Variants in LRP1B observed in about 807,000 individuals in gnomAD.
The protein encoded by LRP1B is low-density lipoprotein receptor-related protein 1B.
In LRP1B, 217 loss-of-function variants were observed where a neutral mutation model predicts 556.6. The ratio of observed to expected loss-of-function variants is 0.39; its 90% CI spans 0.35 to 0.44. LRP1B has a LOEUF of 0.44. Ranked by LOEUF, LRP1B falls within the 20% of genes least tolerant of loss-of-function variation. LRP1B has a pLI of 1.00. For missense variants in LRP1B, 5,053 were observed against 5,620.8 expected, an observed-to-expected ratio of 0.90 and a Z score of 3.23; for synonymous variants, 2,047 against 1,865.8, an observed-to-expected ratio of 1.10 and a Z score of -2.50.
chr2:141,072,903 TTTTTG>T (rs1416399139), intron 7 of LRP1B, among the ~76,000 whole-genome samples: 2 of 152,096 alleles, frequency 1.3e-5, no homozygotes, highest in African/African-American at 4.8e-5. Flanking sequence ...GCATCCTCTC[TTTTTG>T]TTTAGTCCAA....
At chr2:140,496,939 A>G (rs186748621) in intron 55 of LRP1B, among the ~76,000 whole-genome samples, 1 of 150,248 alleles carries the variant, frequency 6.7e-6, no homozygotes, top group Admixed American at 6.7e-5. Context: ...ATTTATTATC[A>G]GATAAAACTG....
chr2:140,589,672 A>G (rs756515251), intron 43 of LRP1B, among the ~76,000 whole-genome samples: 2 of 152,208 alleles, frequency 1.3e-5, no homozygotes, highest in Non-Finnish European at 2.9e-5. Context: ...ATTTTACTGA[A>G]TGGAAAGGGT....
In LRP1B at chr2:141,810,321, C is replaced by T. The variant is rs2105707401; in HGVS notation, c.163G>A (p.Asp55Asn). 1 of 1,613,174 alleles carries T rather than the reference C, an allele frequency of 6.2e-7. No individual in the cohort carries two copies. ...TCTGAATCATCAGGGCAGTCAGGGT[C>T]CCCATCACACAGCCAGCTCTGGGAG... ...CVSQSWLCDG[D>N]PDCPDDSDES... is the part of the protein sequence containing the mutation. The change falls in exon 2 of 91, where the codon GAC (aspartate) becomes AAC (asparagine). Residue 55 changes from aspartate to asparagine, a missense_variant. Asp to Asn is a conservative substitution (Grantham distance 23). Coordinates refer to ENST00000389484, the MANE Select transcript of LRP1B (RefSeq NM_018557.3).
In LRP1B at chr2:142,083,099, A is replaced by G. The variant is rs570008626; in HGVS notation, c.82+47549T>C. ...ACAAGAGGTAAAGAAAACTGGCTCAAGGTAGAGGTTCATAGGCCCATGCGG... is the reference window on the plus strand; with the variant it reads ...ACAAGAGGTAAAGAAAACTGGCTCAGGGTAGAGGTTCATAGGCCCATGCGG... On this transcript the variant is annotated intron_variant, in intron 1 of 90. Transcript: ENST00000389484. Among the ~76,000 whole-genome samples, 11 of 152,342 alleles carry G rather than the reference A, an allele frequency of 7.2e-5. No individual in the cohort carries two copies. In the South Asian group the frequency reaches 2.3e-3, roughly 32 times the overall value.
At chr2:141,699,325 CTATT>C (rs554009947) in intron 2 of LRP1B, among the ~76,000 whole-genome samples, 54 of 151,890 alleles carry the variant, frequency 3.6e-4, no homozygotes, top group Admixed American at 1.9e-3. Flanking sequence ...GAAAGACAAA[CTATT>C]TATTTAGCAT....
chr2:140,729,967 G>T (rs911627216), intron 35 of LRP1B, among the ~76,000 whole-genome samples: 5 of 152,112 alleles, frequency 3.3e-5, no homozygotes, highest in Non-Finnish European at 1.5e-5. Context: ...ACTTGTGCTT[G>T]CTCTCAACTG....
intron 6 of LRP1B, among the ~76,000 whole-genome samples, chr2:141,206,605 C>T (rs984763543): frequency 2.6e-5 from 4 of 151,722 alleles, no homozygotes; most frequent in Non-Finnish European, 4.4e-5. Context: ...AATAAAGAAT[C>T]GCCACTATTT....
chr2:140,352,460 C>A (rs946093055), intron 76 of LRP1B, among the ~76,000 whole-genome samples: 4 of 152,140 alleles, frequency 2.6e-5, no homozygotes, highest in African/African-American at 9.7e-5. Context: ...AGGCATGAGC[C>A]ACTGCACCAG....
chr2:140,234,768 C>A lies in LRP1B; in HGVS notation c.13659+18G>T, dbSNP rs13387241. The A allele has an allele frequency of 0.56, 429,851 of 769,726 alleles. 122,776 individuals carry two copies. The highest frequency in any genetic ancestry group is 0.6 in the Non-Finnish European group (247,184 of 412,326). 47.7% of individuals were successfully genotyped at this position (769,726 alleles called of 1,614,324 possible). ...CTGTGATGAAACGGACATGAAATAA[C>A]GAATATTCTTCTCTCACCCCAGCAG... On this transcript the variant is annotated intron_variant, in intron 90 of 90. Transcript: ENST00000389484.
intron 1 of LRP1B, among the ~76,000 whole-genome samples, chr2:141,981,377 G>T (rs114801298): frequency 0.015 from 2,287 of 152,132 alleles, 31 homozygotes; most frequent in South Asian, 0.044. Context: ...TAAGGCAAAA[G>T]ACACAGTAAT....
chr2:141,343,872 C>A (rs1391416095), intron 3 of LRP1B, among the ~76,000 whole-genome samples: 1 of 152,156 alleles, frequency 6.6e-6, no homozygotes, highest in Non-Finnish European at 1.5e-5. Flanking sequence ...GTTCCTTCCT[C>A]TTGAGATTCG....
intron 3 of LRP1B, among the ~76,000 whole-genome samples, chr2:141,425,432 C>T (rs188511440): frequency 0.054 from 8,134 of 150,858 alleles, 293 homozygotes; most frequent in South Asian, 0.14. Flanking sequence ...TGGGTATATA[C>T]CCAGTAATGG....
At chr2:140,683,890 G>A (rs543231865) in intron 41 of LRP1B, 1 of 542,224 alleles carries the variant, frequency 1.8e-6, no homozygotes, top group South Asian at 2.0e-5. Flanking sequence ...GGCAGACTGA[G>A]GGGTCCATGC....
chr2:140,968,729 G>A (rs1696315209), intron 18 of LRP1B, among the ~76,000 whole-genome samples: 1 of 152,076 alleles, frequency 6.6e-6, no homozygotes, highest in Admixed American at 6.5e-5. Flanking sequence ...GGTATGTTGT[G>A]TCTTTGTTCT....
chr2:142,057,925 T>C (rs992220603), intron 1 of LRP1B, among the ~76,000 whole-genome samples: 2 of 152,138 alleles, frequency 1.3e-5, no homozygotes, highest in Non-Finnish European at 2.9e-5. Context: ...TACCAGTACT[T>C]ACTCTTGAAC....
intron 3 of LRP1B, among the ~76,000 whole-genome samples, chr2:141,274,637 T>A (rs1685215820): frequency 6.6e-6 from 1 of 152,182 alleles, no homozygotes; most frequent in South Asian, 2.1e-4. Context: ...CAGTGATGGT[T>A]GCACAACTAT....
chr2:140,288,806 C>T (rs376845585), intron 84 of LRP1B, among the ~76,000 whole-genome samples: 1 of 151,732 alleles, frequency 6.6e-6, no homozygotes, highest in African/African-American at 2.4e-5. Context: ...AGCTGTGAGA[C>T]ATATCATTTT....
At chr2:140,324,496 A>G (rs568892001) in intron 80 of LRP1B, among the ~76,000 whole-genome samples, 85 of 152,260 alleles carry the variant, frequency 5.6e-4, no homozygotes, top group African/African-American at 1.9e-3. Flanking sequence ...TAAGCAATCA[A>G]TCAATCAGTT....
intron 82 of LRP1B, among the ~76,000 whole-genome samples, chr2:140,319,931 GCT>G (rs557469705): frequency 6.6e-6 from 1 of 152,026 alleles, no homozygotes; most frequent in East Asian, 1.9e-4. Context: ...TTCACACTTA[GCT>G]CTCTGTTACA....
Sources: allele counts gnomAD v4.1 joint callset (sites outside exome capture counted in the v4.1 genomes callset), GRCh38; gene constraint gnomAD v4.1.1; transcripts MANE v1.5; gene names NCBI Gene and HGNC (gene_info 2026-07-23, HGNC 2026-07-21).